SLAIN2: variants seen among roughly 807,000 people sequenced by gnomAD.
SLAIN2 encodes SLAIN motif-containing protein 2.
A neutral mutation model predicts 56.6 loss-of-function variants in SLAIN2; 31 were observed. The observed-to-expected ratio is 0.55, with a 90% CI of 0.41 to 0.74. The LOEUF is 0.74. Ranked by LOEUF, SLAIN2 falls within the 30% of genes least tolerant of loss-of-function variation. SLAIN2 has a pLI of 0.00. For synonymous variants in SLAIN2, 317 were observed against 284.9 expected (o/e 1.11, Z -1.13); for missense variants, 777 against 754.2 (o/e 1.03, Z -0.35).
chr4:48,367,802 C>T (rs1715557700), intron 1 of SLAIN2, among the ~76,000 whole-genome samples: 1 of 152,088 alleles, frequency 6.6e-6, no homozygotes, highest in Non-Finnish European at 1.5e-5. Context: ...TTATAATCAA[C>T]ATACCATAAA....
At chr4:48,399,851 G>A (rs1716500918) in intron 6 of SLAIN2, among the ~76,000 whole-genome samples, 1 of 152,116 alleles carries the variant, frequency 6.6e-6, no homozygotes, top group African/African-American at 2.4e-5. Context: ...CGAGGATAAA[G>A]CCAACTGGAT....
intron 1 of SLAIN2, among the ~76,000 whole-genome samples, chr4:48,366,227 T>C (rs1715515746): frequency 6.6e-6 from 1 of 152,242 alleles, no homozygotes; most frequent in Middle Eastern, 3.2e-3. Flanking sequence ...TTTTATGTCC[T>C]AGCCCATGGT....
chr4:48,346,931 C>T (rs1714882627), intron 1 of SLAIN2, among the ~76,000 whole-genome samples: 1 of 151,172 alleles, frequency 6.6e-6, no homozygotes, highest in Non-Finnish European at 1.5e-5. Context: ...ACCTCAACCT[C>T]CCAAAGTGCT....
intron 6 of SLAIN2, among the ~76,000 whole-genome samples, chr4:48,397,287 A>G (rs1325409743): frequency 6.6e-6 from 1 of 152,168 alleles, no homozygotes; most frequent in Admixed American, 6.5e-5. Flanking sequence ...GACACTTCTC[A>G]AAAGAAGACA....
intron 1 of SLAIN2, among the ~76,000 whole-genome samples, chr4:48,358,283 G>T (rs1484903481): frequency 6.6e-6 from 1 of 151,662 alleles, no homozygotes; most frequent in East Asian, 1.9e-4. Flanking sequence ...ATTTGATACA[G>T]TATAAATTAT....
At chr4:48,383,168 C>CAAA (rs34436951) in intron 5 of SLAIN2, among the ~76,000 whole-genome samples, 1 of 95,534 alleles carries the variant, frequency 1.0e-5, no homozygotes, top group African/African-American at 3.9e-5. Context: ...ATCCTGTTTT[C>CAAA]AAAAAAAAAA....
At chr4:48,366,843 T>G (rs1460246285) in intron 1 of SLAIN2, among the ~76,000 whole-genome samples, 1 of 152,208 alleles carries the variant, frequency 6.6e-6, no homozygotes, top group East Asian at 1.9e-4. Flanking sequence ...AAGTAAAAAC[T>G]TGTTAAATCT....
intron 6 of SLAIN2, among the ~76,000 whole-genome samples, chr4:48,398,246 A>C (rs1233606489): frequency 6.6e-6 from 1 of 152,126 alleles, no homozygotes; most frequent in Non-Finnish European, 1.5e-5. Context: ...CCTAATGATC[A>C]GTGATGATGC....
intron 6 of SLAIN2, among the ~76,000 whole-genome samples, chr4:48,401,264 G>T (rs892493344): frequency 6.6e-6 from 1 of 152,144 alleles, no homozygotes; most frequent in Admixed American, 6.6e-5. Context: ...GTTTTTGTTT[G>T]GGGAGTTTTG....
intron 7 of SLAIN2, 122 bp downstream of exon 7, chr4:48,420,565 T>C: frequency 9.4e-7 from 1 of 1,069,150 alleles, no homozygotes; most frequent in Non-Finnish European, 1.3e-6. Context: ...CCCACCAGAG[T>C]TTTAGTACCA....
chr4:48,424,631 T>C lies in SLAIN2; in HGVS notation c.*2554T>C, dbSNP rs1717251433. ...CTGGATCATTTTTCTACAAAACTTGTTTGTACAATATAAAACACTCTCTGA... is the reference window on the plus strand; with the variant it reads ...CTGGATCATTTTTCTACAAAACTTGCTTGTACAATATAAAACACTCTCTGA... On this transcript the variant is annotated 3_prime_UTR_variant, in exon 8 of 8. Transcript: ENST00000264313. 6.6e-6 allele frequency: 1 copy of C among 152,136 alleles called. No individual in the cohort carries two copies. Among genetic ancestry groups the C allele is most frequent in the South Asian group, 2.1e-4 (1 of 4,830 alleles). 9.4% of individuals were successfully genotyped at this position (152,136 alleles called of 1,614,324 possible).
intron 1 of SLAIN2, among the ~76,000 whole-genome samples, chr4:48,367,546 G>T (rs1715551232): frequency 6.6e-6 from 1 of 152,004 alleles, no homozygotes; most frequent in Non-Finnish European, 1.5e-5. Flanking sequence ...AAATAAGATG[G>T]AGCAATCCTA....
At chr4:48,381,485 C>T (rs1470439715) in intron 4 of SLAIN2, among the ~76,000 whole-genome samples, 1 of 152,098 alleles carries the variant, frequency 6.6e-6, no homozygotes, top group Non-Finnish European at 1.5e-5. Flanking sequence ...AATGCAAGCT[C>T]CTATAGTGAT....
intron 1 of SLAIN2, among the ~76,000 whole-genome samples, chr4:48,353,953 A>G (rs1168087889): frequency 1.3e-5 from 2 of 152,188 alleles, no homozygotes; most frequent in Non-Finnish European, 2.9e-5. Flanking sequence ...ATTGGCTCAA[A>G]AATTTTCATT....
At chr4:48,419,375 A>G (rs1230016748) in intron 6 of SLAIN2, among the ~76,000 whole-genome samples, 1 of 152,114 alleles carries the variant, frequency 6.6e-6, no homozygotes, top group Non-Finnish European at 1.5e-5. Flanking sequence ...AAGTGCTGGG[A>G]TTACAGGTGT....
intron 2 of SLAIN2, among the ~76,000 whole-genome samples, chr4:48,374,373 A>T (rs1187525586): frequency 6.6e-6 from 1 of 151,872 alleles, no homozygotes; most frequent in African/African-American, 2.4e-5. Flanking sequence ...AGTAGCTGGG[A>T]TTACAGGTGC....
intron 1 of SLAIN2, among the ~76,000 whole-genome samples, chr4:48,368,887 G>C (rs1560454549): frequency 6.6e-6 from 1 of 152,166 alleles, no homozygotes. Flanking sequence ...AAAAGGTACT[G>C]TTGCCACTAA....
intron 6 of SLAIN2, among the ~76,000 whole-genome samples, chr4:48,392,665 A>C (rs1330499525): frequency 6.6e-6 from 1 of 152,014 alleles, no homozygotes; most frequent in Non-Finnish European, 1.5e-5. Flanking sequence ...CTTACTTCCT[A>C]TCTTTTTTCA....
In SLAIN2 at chr4:48,424,955, C is replaced by T. The variant is rs1169893250; in HGVS notation, c.*2878C>T. The T allele has an allele frequency of 2.0e-5, 3 of 152,020 alleles. No individual in the cohort carries two copies. Among genetic ancestry groups the T allele is most frequent in the Non-Finnish European group, 4.4e-5 (3 of 67,986 alleles). The allele number at this position is 152,020 out of a possible 1,614,324, so 9.4% of individuals were successfully genotyped here. ...TTTGATTTGCAAACATTTCTATAGC[C>T]GAACTTGTATATGTGGTTGCCTCCT... On this transcript the variant is annotated 3_prime_UTR_variant, in exon 8 of 8. Transcript: ENST00000264313.
Sources: gnomAD v4.1 joint callset for allele counts (sites outside exome capture counted in the v4.1 genomes callset) on GRCh38, gnomAD v4.1.1 for gene constraint, MANE v1.5 for transcripts, NCBI Gene and HGNC (gene_info 2026-07-23, HGNC 2026-07-21) for gene names.